Variants in NARS2 observed in about 807,000 individuals in gnomAD.
NARS2 encodes the protein asparaginyl-tRNA synthetase 2, mitochondrial, also known as asparaginyl-tRNA synthetase.
In NARS2, 60 loss-of-function variants were observed where a neutral mutation model predicts 62.9. The observed-to-expected ratio is 0.95, with a 90% CI of 0.77 to 1.18. The LOEUF is 1.18. Among genes scored for constraint, NARS2 ranks in the 50% most tolerant of loss-of-function variants. The pLI is 0.00. For synonymous variants in NARS2, 196 were observed against 200.0 expected (o/e 0.98, Z 0.17); for missense variants, 619 against 576.4 (o/e 1.07, Z -0.76).
At chr11:78,497,048 TGAG>T (rs968347590) in intron 6 of NARS2, among the ~76,000 whole-genome samples, 2 of 152,070 alleles carry the variant, frequency 1.3e-5, no homozygotes, top group African/African-American at 2.4e-5. Context: ...AGTATTGCTC[TGAG>T]AAGAGACCAG....
intron 13 of NARS2, among the ~76,000 whole-genome samples, chr11:78,438,984 T>G (rs1181789121): frequency 6.6e-6 from 1 of 152,154 alleles, no homozygotes; most frequent in Non-Finnish European, 1.5e-5. Flanking sequence ...TAACCAATTT[T>G]TTTTTTTTTG....
chr11:78,469,347 C>A, intron 9 of NARS2, 34 bp from the exon 10 acceptor site: 2 of 1,516,818 alleles, frequency 1.3e-6, no homozygotes, highest in South Asian at 2.3e-5. Flanking sequence ...AGAGAAAAGT[C>A]AATACAATGG....
chr11:78,468,310 GAAAAAAAA>G (rs764254167), intron 10 of NARS2, among the ~76,000 whole-genome samples: 2 of 67,436 alleles, frequency 3.0e-5, no homozygotes, highest in East Asian at 3.7e-4. Context: ...CACTAAATCT[GAAAAAAAA>G]AAAAAAAAAA....
chr11:78,563,885 G>GTATTATTATTATTATTATTATTAT (rs550249150), intron 4 of NARS2, among the ~76,000 whole-genome samples: 3 of 82,070 alleles, frequency 3.7e-5, no homozygotes, highest in African/African-American at 1.4e-4. Context: ...CACACACACA[G>GTATTATTATTATTATTATTATTAT]TATTATTATT....
chr11:78,436,847 A>G (rs1271097974), intron 13 of NARS2, 33 bp from the exon 14 acceptor site: 2 of 1,598,272 alleles, frequency 1.3e-6, no homozygotes, highest in East Asian at 2.2e-5. Context: ...CATCATCTAT[A>G]TATAGTATAA....
chr11:78,499,167 C>G (rs926574277), intron 6 of NARS2, among the ~76,000 whole-genome samples: 1 of 152,092 alleles, frequency 6.6e-6, no homozygotes, highest in Non-Finnish European at 1.5e-5. Context: ...CCGCCTGCCT[C>G]GGCCTCCCAA....
intron 12 of NARS2, 58 bp downstream of exon 12, chr11:78,443,603 C>T (rs1321203514): frequency 3.1e-6 from 4 of 1,300,808 alleles, no homozygotes; most frequent in East Asian, 4.6e-5. Flanking sequence ...GCAATGACCA[C>T]CTTTGAGCGC....
chr11:78,538,690 T>C (rs984994071), intron 5 of NARS2, among the ~76,000 whole-genome samples: 1 of 151,398 alleles, frequency 6.6e-6, no homozygotes, highest in Non-Finnish European at 1.5e-5. Flanking sequence ...GACTCAAGAG[T>C]AAGACTGTTA....
intron 11 of NARS2, among the ~76,000 whole-genome samples, chr11:78,449,893 C>T (rs765911616): frequency 3.4e-4 from 52 of 152,178 alleles, no homozygotes; most frequent in Non-Finnish European, 6.2e-4. Flanking sequence ...CAATGAAAGG[C>T]CTTTTAAAAA....
intron 4 of NARS2, among the ~76,000 whole-genome samples, chr11:78,562,883 A>C (rs1046224239): frequency 6.6e-6 from 1 of 152,234 alleles, no homozygotes; most frequent in Non-Finnish European, 1.5e-5. Context: ...TTAATTAACA[A>C]AACTGAAACT....
At chr11:78,541,794 G>A (rs1460933222) in intron 5 of NARS2, among the ~76,000 whole-genome samples, 2 of 152,176 alleles carry the variant, frequency 1.3e-5, no homozygotes, top group Admixed American at 6.5e-5. Context: ...GTAGTTTCAT[G>A]ATCCCTATCA....
chr11:78,459,563 C>A (rs1436942043), intron 11 of NARS2, among the ~76,000 whole-genome samples: 1 of 152,178 alleles, frequency 6.6e-6, no homozygotes, highest in African/African-American at 2.4e-5. Context: ...AGCCACCGCG[C>A]CCAGCCGATC....
intron 9 of NARS2, among the ~76,000 whole-genome samples, chr11:78,476,913 T>A (rs1859123643): frequency 6.6e-6 from 1 of 152,290 alleles, no homozygotes; most frequent in Middle Eastern, 3.4e-3. Context: ...AGCTTTGAAA[T>A]CAGATGAACA....
intron 5 of NARS2, among the ~76,000 whole-genome samples, chr11:78,546,076 T>C (rs540259308): frequency 3.7e-4 from 57 of 152,324 alleles, no homozygotes; most frequent in Non-Finnish European, 6.2e-4. Context: ...GAGTGGTTCT[T>C]GTATGGAGTC....
chr11:78,477,809 T>C (rs944030840), intron 9 of NARS2, among the ~76,000 whole-genome samples: 1 of 152,206 alleles, frequency 6.6e-6, no homozygotes, highest in African/African-American at 2.4e-5. Flanking sequence ...TGGACTTGAA[T>C]GGCAACTCTT....
Position 78,568,722 on chromosome 11 carries a change from T to C in NARS2, c.282A>G (p.Val94=), listed in dbSNP as rs368769616. 1 of 1,611,202 alleles carries C rather than the reference T, an allele frequency of 6.2e-7. No individual in the cohort carries two copies. The highest frequency in any genetic ancestry group is 1.3e-5 in the African/African-American group (1 of 74,886). The change falls in exon 3 of 14, where the codon GTA becomes GTG. Residue 94 remains valine, a synonymous_variant. Transcript: ENST00000281038. ...RELNFGSSVE[V]QGQLIKSPSK... ...ATGGACTTTTTATCAGCTGCCCTTGTACTTCCACAGAACTCCCAAAATTTA... is the reference window on the plus strand; with the variant it reads ...ATGGACTTTTTATCAGCTGCCCTTGCACTTCCACAGAACTCCCAAAATTTA...
chr11:78,563,849 AAAATAT>A (rs1437299625), intron 4 of NARS2, among the ~76,000 whole-genome samples: 4,372 of 54,374 alleles, frequency 0.08, 228 homozygotes, highest in African/African-American at 0.14. Flanking sequence ...AAAAAAAAAA[AAAATAT>A]ATATATATAT....
At chr11:78,442,024 G>A (rs906780508) in intron 12 of NARS2, among the ~76,000 whole-genome samples, 15 of 152,184 alleles carry the variant, frequency 9.9e-5, no homozygotes, top group Non-Finnish European at 1.3e-4. Flanking sequence ...ATGAAGAGCA[G>A]CCATAGACAG....
chr11:78,473,418 T>C (rs1312777940), intron 9 of NARS2, among the ~76,000 whole-genome samples: 4 of 152,226 alleles, frequency 2.6e-5, no homozygotes, highest in Admixed American at 6.5e-5. Context: ...TTGCTCATGG[T>C]AGGTATTTCC....
Sources: gnomAD v4.1 joint callset for allele counts (sites outside exome capture counted in the v4.1 genomes callset) on GRCh38, gnomAD v4.1.1 for gene constraint, MANE v1.5 for transcripts, NCBI Gene and HGNC (gene_info 2026-07-23, HGNC 2026-07-21) for gene names.